KLF8: variants seen among roughly 807,000 people sequenced by gnomAD.
KLF8 encodes the protein Krueppel-like factor 8.
A neutral mutation model predicts 18.2 loss-of-function variants in KLF8; 10 were observed. That is an observed-to-expected ratio of 0.55 (90% CI 0.34 to 0.93). KLF8 has a LOEUF of 0.93. KLF8 is among the 40% of genes least tolerant of loss of function. KLF8 has a pLI of 0.02. For missense variants in KLF8, 264 were observed against 277.9 expected (o/e 0.95, Z 0.36); for synonymous variants, 109 against 97.3 (o/e 1.12, Z -0.71).
At chrX:55,977,148 C>G in the KLF8 span, among the ~76,000 whole-genome samples, 2 of 111,935 alleles carry the variant, frequency 1.8e-5, no homozygotes, top group South Asian at 7.4e-4. Flanking sequence ...GACTTCTATA[C>G]TGTGTTGAAT....
the KLF8 span, among the ~76,000 whole-genome samples, chrX:56,189,373 G>A: frequency 4.5e-5 from 5 of 111,650 alleles, no homozygotes; most frequent in African/African-American, 9.8e-5. Context: ...GGAAACAACA[G>A]GTGCTGGAGA....
At chrX:56,188,733 G>T in the KLF8 span, among the ~76,000 whole-genome samples, 1 of 111,826 alleles carries the variant, frequency 8.9e-6, no homozygotes, top group Non-Finnish European at 1.9e-5. Flanking sequence ...ACAACTATCT[G>T]ATGTTTGACA....
chrX:56,038,822 G>A, the KLF8 span, among the ~76,000 whole-genome samples: 1 of 112,286 alleles, frequency 8.9e-6, no homozygotes, highest in Non-Finnish European at 1.9e-5. Flanking sequence ...ACTAATGTAC[G>A]TTTCCACCAA....
chrX:56,088,067 G>A, the KLF8 span, among the ~76,000 whole-genome samples: 22 of 111,538 alleles, frequency 2.0e-4, no homozygotes, highest in Admixed American at 1.9e-3. Context: ...ATTGCCTTGT[G>A]TAGTGATGAT....
the KLF8 span, among the ~76,000 whole-genome samples, chrX:55,973,873 C>A: frequency 1.8e-5 from 2 of 111,632 alleles, no homozygotes; most frequent in Non-Finnish European, 3.8e-5. Flanking sequence ...ACCATAAAGA[C>A]ACCTGCAGTT....
chrX:56,269,546 T>G (rs2067022648), intron 4 of KLF8, 57 bp downstream of exon 4: 1 of 1,081,671 alleles, frequency 9.2e-7, no homozygotes, highest in East Asian at 3.4e-5. Context: ...TGTGTGTGTG[T>G]GTACATTTGC....
chrX:55,959,126 G>A, the KLF8 span, among the ~76,000 whole-genome samples: 1 of 112,339 alleles, frequency 8.9e-6, no homozygotes, highest in Non-Finnish European at 1.9e-5. Flanking sequence ...GTCCCTCAGG[G>A]TAAGAGTATG....
In KLF8 at chrX:56,291,274, A is replaced by G. The variant is rs2067320010; in HGVS notation, c.*6780A>G. On this transcript the variant is annotated 3_prime_UTR_variant, in exon 6 of 6. Coordinates refer to ENST00000468660, the MANE Select transcript of KLF8 (RefSeq NM_007250.5). ...TAGAGCAACACCTTGTTTTTCCTCT[A>G]TTTTATACTAGTTCTTGCTCCAGAG... 9.0e-6 allele frequency among the ~76,000 whole-genome samples: 1 copy of G among 111,542 alleles called. No individual in the cohort carries two copies. The highest frequency in any genetic ancestry group is 9.6e-5 in the Admixed American group (1 of 10,454).
At chrX:56,158,054 A>T in the KLF8 span, among the ~76,000 whole-genome samples, 4 of 111,781 alleles carry the variant, frequency 3.6e-5, no homozygotes, top group Non-Finnish European at 7.5e-5. Context: ...TCCATCTTGA[A>T]TTAATTTTTG....
chrX:56,054,056 T>C, the KLF8 span, among the ~76,000 whole-genome samples: 3 of 111,502 alleles, frequency 2.7e-5, no homozygotes, highest in Non-Finnish European at 5.6e-5. Context: ...GTTGGCTTTT[T>C]CTTGGTTCTC....
the KLF8 span, among the ~76,000 whole-genome samples, chrX:56,155,004 G>A: frequency 2.7e-5 from 3 of 112,168 alleles, no homozygotes; most frequent in African/African-American, 6.5e-5. Flanking sequence ...TACACTGTTG[G>A]TGGGACTGTA....
chrX:56,133,505 G>A, the KLF8 span, among the ~76,000 whole-genome samples: 5 of 111,255 alleles, frequency 4.5e-5, no homozygotes, highest in African/African-American at 1.6e-4. Flanking sequence ...AGCATTCAAG[G>A]GACATGCCTC....
At chrX:56,265,120 C>G (rs1276134513) in intron 2 of KLF8, 60 bp from the exon 3 acceptor site, 8 of 1,089,829 alleles carry the variant, frequency 7.3e-6, no homozygotes, top group Non-Finnish European at 9.6e-6. Context: ...ACATTGCTTG[C>G]ATGTCTCTTC....
the KLF8 span, among the ~76,000 whole-genome samples, chrX:56,226,719 C>T: frequency 8.9e-6 from 1 of 112,152 alleles, no homozygotes; most frequent in African/African-American, 3.2e-5. Context: ...TTGCTTATAT[C>T]CCCATAACAT....
At chrX:55,957,124 C>T in the KLF8 span, among the ~76,000 whole-genome samples, 10 of 111,547 alleles carry the variant, frequency 9.0e-5, no homozygotes, top group Non-Finnish European at 1.9e-5. Context: ...TTCAGTTTCC[C>T]TAATGCCATT....
the KLF8 span, among the ~76,000 whole-genome samples, chrX:56,107,687 G>A: frequency 1.8e-5 from 2 of 111,317 alleles, no homozygotes; most frequent in African/African-American, 6.5e-5. Flanking sequence ...CAGGTAGGTC[G>A]ATGCCCTGCT....
At chrX:55,979,071 A>C in the KLF8 span, among the ~76,000 whole-genome samples, 12 of 75,550 alleles carry the variant, frequency 1.6e-4, no homozygotes, top group Admixed American at 7.2e-4. Context: ...CAGTTCCATA[A>C]ATCTGAAGCA....
chrX:56,268,619 C>A, intron 3 of KLF8: 1 of 612,202 alleles, frequency 1.6e-6, no homozygotes, highest in Non-Finnish European at 2.0e-6. Context: ...AAGATACATG[C>A]TTAAAACTTT....
At chrX:56,182,730 G>T in the KLF8 span, among the ~76,000 whole-genome samples, 1 of 112,661 alleles carries the variant, frequency 8.9e-6, no homozygotes, top group African/African-American at 3.2e-5. Context: ...TTTGTAGGAG[G>T]TCCCCTCCAG....
Sources: gnomAD v4.1 joint callset for allele counts (sites outside exome capture counted in the v4.1 genomes callset) on GRCh38, gnomAD v4.1.1 for gene constraint, MANE v1.5 for transcripts, NCBI Gene and HGNC (gene_info 2026-07-23, HGNC 2026-07-21) for gene names.